Variants in LRMDA observed in about 807,000 individuals in gnomAD.
The protein encoded by LRMDA is leucine-rich melanocyte differentiation-associated protein.
In LRMDA, 18 loss-of-function variants were observed where a neutral mutation model predicts 29.8. The ratio of observed to expected loss-of-function variants is 0.60; its 90% confidence interval spans 0.42 to 0.90. The LOEUF is 0.90. Ranked by LOEUF, LRMDA falls within the 40% of genes least tolerant of loss-of-function variation. LRMDA has a pLI of 0.00. For synonymous variants in LRMDA, 125 were observed against 109.4 expected (o/e 1.14, Z -0.89); for missense variants, 273 against 273.9 (o/e 1.00, Z 0.02).
chr10:75,827,346 G>T (rs907073181), intron 2 of LRMDA, among the ~76,000 whole-genome samples: 3 of 152,162 alleles, frequency 2.0e-5, no homozygotes, highest in African/African-American at 7.2e-5. Context: ...GTTGAAGTGG[G>T]TGTGTCATGA....
intron 6 of LRMDA, among the ~76,000 whole-genome samples, chr10:76,486,516 T>A (rs536174730): frequency 6.6e-6 from 1 of 152,130 alleles, no homozygotes; most frequent in South Asian, 2.1e-4. Flanking sequence ...CTCTGTTATC[T>A]AGCTGTCTCT....
intron 2 of LRMDA, among the ~76,000 whole-genome samples, chr10:76,011,100 A>T (rs182637746): frequency 6.6e-6 from 1 of 152,326 alleles, no homozygotes; most frequent in East Asian, 1.9e-4. Flanking sequence ...CATTAAATCC[A>T]TTACTTTTCA....
chr10:76,368,826 T>C (rs1393288430), intron 6 of LRMDA, among the ~76,000 whole-genome samples: 1 of 152,206 alleles, frequency 6.6e-6, no homozygotes, highest in Non-Finnish European at 1.5e-5. Flanking sequence ...TATTTTCCTG[T>C]TGGACAAGGT....
At chr10:76,318,265 TCCTC>T (rs1840725191) in intron 5 of LRMDA, 1 of 152,234 alleles carries the variant, frequency 6.6e-6, no homozygotes, top group Non-Finnish European at 1.5e-5. Flanking sequence ...GTAGTTCTCC[TCCTC>T]CCTCCCTCCT....
At chr10:76,421,426 T>C (rs1220935129) in intron 6 of LRMDA, among the ~76,000 whole-genome samples, 1 of 152,194 alleles carries the variant, frequency 6.6e-6, no homozygotes, top group Non-Finnish European at 1.5e-5. Context: ...AATATGTTTC[T>C]TGTAAGCAGT....
Position 75,558,056 on chromosome 10 carries a change from C to T in LRMDA, c.131+119562C>T, listed in dbSNP as rs561938914. On this transcript the variant is annotated intron_variant, in intron 2 of 6. Transcript: ENST00000611255. The stretch of plus-strand genomic sequence containing the variant: ...GTATGCACTGCACTGCTTCATCGGA[C>T]AAACAACACTCATGCCCCCTTACCC... Among the ~76,000 whole-genome samples, 13 of 151,772 alleles carry T rather than the reference C, an allele frequency of 8.6e-5. No individual in the cohort carries two copies. The East Asian group carries it at 9.7e-4, about 11-fold the overall frequency.
At chr10:76,382,653 C>A (rs1257061260) in intron 6 of LRMDA, among the ~76,000 whole-genome samples, 1 of 152,124 alleles carries the variant, frequency 6.6e-6, no homozygotes, top group Non-Finnish European at 1.5e-5. Context: ...AAGTTGATGC[C>A]TGCCATGGTA....
intron 6 of LRMDA, among the ~76,000 whole-genome samples, chr10:76,491,969 G>A (rs187761543): frequency 3.3e-5 from 5 of 152,082 alleles, no homozygotes; most frequent in Admixed American, 3.3e-4. Context: ...CAGCTCTGCT[G>A]ATAGGAGACT....
At chr10:75,930,861 A>T (rs903295171) in intron 2 of LRMDA, among the ~76,000 whole-genome samples, 1 of 152,244 alleles carries the variant, frequency 6.6e-6, no homozygotes, top group African/African-American at 2.4e-5. Flanking sequence ...TTCAACTAAT[A>T]AGCCTAATAA....
chr10:76,486,152 T>G (rs1842780329), intron 6 of LRMDA, among the ~76,000 whole-genome samples: 1 of 151,996 alleles, frequency 6.6e-6, no homozygotes, highest in African/African-American at 2.4e-5. Flanking sequence ...TAATACTATG[T>G]GTGTGAGGCT....
chr10:76,120,183 G>T (rs1849757427), intron 5 of LRMDA, among the ~76,000 whole-genome samples: 1 of 143,062 alleles, frequency 7.0e-6, no homozygotes, highest in African/African-American at 2.7e-5. Context: ...CTACAGGTAT[G>T]TGTTGATTTT....
intron 2 of LRMDA, among the ~76,000 whole-genome samples, chr10:75,964,598 C>A (rs1429909848): frequency 2.6e-5 from 4 of 152,156 alleles, no homozygotes; most frequent in African/African-American, 9.7e-5. Flanking sequence ...GAGGACAGTT[C>A]TATGACCATA....
At chr10:76,158,222 A>G (rs1046295025) in intron 5 of LRMDA, among the ~76,000 whole-genome samples, 1 of 152,266 alleles carries the variant, frequency 6.6e-6, no homozygotes, top group East Asian at 1.9e-4. Context: ...TGTACTTTAG[A>G]CAGACCATTT....
chr10:76,070,186 G>T (rs1021933802), intron 5 of LRMDA, among the ~76,000 whole-genome samples: 1 of 152,178 alleles, frequency 6.6e-6, no homozygotes, highest in African/African-American at 2.4e-5. Context: ...CAACTTACAA[G>T]GACTCTTTTT....
At chr10:75,903,306 C>T (rs931048089) in intron 2 of LRMDA, among the ~76,000 whole-genome samples, 1 of 152,190 alleles carries the variant, frequency 6.6e-6, no homozygotes, top group African/African-American at 2.4e-5. Context: ...AGCCCTCCCT[C>T]CTGGGTGTCG....
chr10:75,653,325 G>A (rs1172681980), intron 2 of LRMDA, among the ~76,000 whole-genome samples: 1 of 152,150 alleles, frequency 6.6e-6, no homozygotes, highest in Non-Finnish European at 1.5e-5. Context: ...ATAATGTGCT[G>A]CAGAAACTGC....
At chr10:75,907,061 C>A (rs1055033896) in intron 2 of LRMDA, among the ~76,000 whole-genome samples, 11 of 152,052 alleles carry the variant, frequency 7.2e-5, no homozygotes, top group Non-Finnish European at 1.3e-4. Context: ...AACTCTTGGA[C>A]GTAGGAGTTT....
intron 6 of LRMDA, among the ~76,000 whole-genome samples, chr10:76,457,864 G>A (rs1037083199): frequency 1.3e-5 from 2 of 152,062 alleles, no homozygotes; most frequent in Admixed American, 6.6e-5. Flanking sequence ...GACTTTATAG[G>A]GTGTAGCTGC....
chr10:75,694,954 C>T (rs74696323), intron 2 of LRMDA, among the ~76,000 whole-genome samples: 16,957 of 152,180 alleles, frequency 0.11, 977 homozygotes, highest in Middle Eastern at 0.18. Flanking sequence ...GCTAATTCAT[C>T]AGCACATTCT....
Sources: gnomAD v4.1 joint callset for allele counts (sites outside exome capture counted in the v4.1 genomes callset) on GRCh38, gnomAD v4.1.1 for gene constraint, MANE v1.5 for transcripts, NCBI Gene and HGNC (gene_info 2026-07-23, HGNC 2026-07-21) for gene names.